The following OAS2 variants were observed in gnomAD, a reference collection of about 807,000 sequenced individuals.
OAS2 encodes 2'-5'-oligoadenylate synthetase 2.
A neutral mutation model predicts 71.3 loss-of-function variants in OAS2; 67 were observed. The observed-to-expected ratio is 0.94, with a 90% CI of 0.77 to 1.15. The LOEUF is 1.15. OAS2 is among the 50% of genes most tolerant of loss of function. The pLI is 0.00. For missense variants in OAS2, 789 were observed against 822.5 expected (o/e 0.96, Z 0.50); for synonymous variants, 327 against 321.8 (o/e 1.02, Z -0.17).
At chr12:112,988,693 AT>A (rs2044163262) in intron 2 of OAS2, 2 of 985,288 alleles carry the variant, frequency 2.0e-6, no homozygotes, top group Non-Finnish European at 2.4e-6. Flanking sequence ...GCTCCTTAGA[AT>A]TTCTTATCAA....
chr12:112,996,644 C>T (rs188096966), intron 3 of OAS2, among the ~76,000 whole-genome samples: 15 of 152,028 alleles, frequency 9.9e-5, no homozygotes, highest in Admixed American at 7.9e-4. Context: ...CCGAACTCCC[C>T]GATGGCTTAC....
Position 112,995,471 on chromosome 12 carries a change from A to G in OAS2, c.624A>G (p.Gln208=). ...TCCTCTTGATAAAGCACTGGCATCA[A>G]CAGGTAATTTTCCAACTGTCTATAT... ...DLILLIKHWH[Q]QCQKKIKDLP... is the part of the protein sequence containing the mutation. The change falls in exon 3 of 10, where the codon CAA becomes CAG. Residue 208 remains glutamine (Q), a synonymous_variant. Transcript: ENST00000392583. 6.2e-7 allele frequency: 1 copy of G among 1,611,714 alleles called. No homozygotes were observed. The highest frequency in any genetic ancestry group is 8.5e-7 in the Non-Finnish European group (1 of 1,179,288).
At chr12:113,001,028 C>T (rs930293512) in intron 5 of OAS2, among the ~76,000 whole-genome samples, 39 of 152,072 alleles carry the variant, frequency 2.6e-4, no homozygotes, top group Non-Finnish European at 7.4e-5. Context: ...TAAAAAAATG[C>T]CCTAAACTTA....
chr12:113,010,628 A>T lies in OAS2; in HGVS notation c.*1373A>T. 1 of 1,297,264 alleles carries T rather than the reference A, an allele frequency of 7.7e-7. No homozygotes were observed. Among genetic ancestry groups the T allele is most frequent in the Middle Eastern group, 2.0e-4 (1 of 5,094 alleles). 80.4% of individuals were successfully genotyped at this position (1,297,264 alleles called of 1,614,324 possible). On this transcript the variant is annotated 3_prime_UTR_variant, in exon 10 of 10. Transcript: ENST00000392583. Reference sequence around the variant, plus strand: ...CAATCAAGACTGCAAACCCTTTCATAAAGTCTTGCCTTGCTGAACTCCCTC... The same window carrying T: ...CAATCAAGACTGCAAACCCTTTCATTAAGTCTTGCCTTGCTGAACTCCCTC...
chr12:113,009,222 A>C lies in OAS2; in HGVS notation c.2031A>C (p.Ile677=). 2 of 1,614,096 alleles carry C rather than the reference A, an allele frequency of 1.2e-6. No homozygotes were observed. Among genetic ancestry groups the C allele is most frequent in the Non-Finnish European group, 1.7e-6 (2 of 1,179,990 alleles). ...TCAAGGATGGGACTGGAAACCCAAT[A>C]CCACCTTGGAAAGTGCCGGTAAAAG... ...PCFKDGTGNP[I]PPWKVPVKVI Residue 677 remains isoleucine, a synonymous_variant, in exon 10 of 10, where the codon ATA becomes ATC. Coordinates refer to ENST00000392583, the MANE Select transcript of OAS2 (RefSeq NM_002535.3).
chr12:112,988,506 C>A, intron 2 of OAS2: 1 of 632,792 alleles, frequency 1.6e-6, no homozygotes, highest in South Asian at 7.0e-5. Flanking sequence ...GTGATTGGCA[C>A]AAGAGTAGGT....
chr12:112,998,495 C>T, intron 5 of OAS2, 85 bp downstream of exon 5: 1 of 1,451,192 alleles, frequency 6.9e-7, no homozygotes, highest in Non-Finnish European at 9.4e-7. Context: ...TGAGAGTACT[C>T]TATATTCGTT....
intron 6 of OAS2, among the ~76,000 whole-genome samples, chr12:113,004,106 T>C (rs941053144): frequency 6.6e-6 from 1 of 152,072 alleles, no homozygotes; most frequent in African/African-American, 2.4e-5. Context: ...CTGAAGTTGG[T>C]TGAAGGTTTC....
In OAS2 at chr12:112,995,314, GC is replaced by G. The variant is rs770257269; in HGVS notation, c.471del (p.Trp158GlyfsTer39). The G allele has an allele frequency of 1.2e-6, 2 of 1,608,684 alleles. No homozygotes were observed. Among genetic ancestry groups the G allele is most frequent in the Admixed American group, 1.7e-5 (1 of 58,596 alleles). On this transcript the variant is annotated frameshift_variant, in exon 3 of 10. Coordinates refer to ENST00000392583, the MANE Select transcript of OAS2 (RefSeq NM_002535.3). LOFTEE classifies it high-confidence loss of function. ...ACATCAGGCTTAAATGATAATCCCA[GC>G]CCCTGGATCTATCGAGAGCTCAAAA... Reference protein sequence around the residue: ...FNALSLNDNPSPWIYRELKRS... With the variant: ...FNALSLNDNPXPWIYRELKRS...
At chr12:112,981,971 A>G (rs567147155) in intron 1 of OAS2, among the ~76,000 whole-genome samples, 11 of 151,968 alleles carry the variant, frequency 7.2e-5, no homozygotes, top group Non-Finnish European at 1.5e-4. Context: ...GTTAAATACT[A>G]TAAGATTGCT....
chr12:112,997,524 A>C lies in OAS2; in HGVS notation c.632A>C (p.Gln211Pro), dbSNP rs2044244509. The change falls in exon 4 of 10, where the codon CAG becomes CCG. Residue 211 changes from glutamine to proline, a missense_variant. Physicochemically the swap from Gln to Pro is moderately conservative, Grantham distance 76. Coordinates refer to ENST00000392583, the MANE Select transcript of OAS2 (RefSeq NM_002535.3). ...TACCCTTTCCTTATCCCACAGTGCCAGAAAAAAATCAAGGATTTACCCTCG... is the reference window on the plus strand; with the variant it reads ...TACCCTTTCCTTATCCCACAGTGCCCGAAAAAAATCAAGGATTTACCCTCG... ...LLIKHWHQQC[Q>P]KKIKDLPSLS... is the part of the protein sequence containing the mutation. 6.2e-7 allele frequency: 1 copy of C among 1,613,382 alleles called. No individual in the cohort carries two copies. The highest frequency in any genetic ancestry group is 1.3e-5 in the African/African-American group (1 of 74,908).
In OAS2 at chr12:112,981,226, T is replaced by C. The variant is rs2044078982; in HGVS notation, c.177+2441T>C. Among the ~76,000 whole-genome samples, 5 of 152,194 alleles carry C rather than the reference T, an allele frequency of 3.3e-5. No individual in the cohort carries two copies. In the South Asian group the frequency reaches 1.0e-3, roughly 32 times the overall value. ...GCAGAAGCTTTTTCATTTAATATAG[T>C]CCCAATTGTCTATTTTTTGTTTTTG... On this transcript the variant is annotated intron_variant, in intron 1 of 9. Coordinates refer to ENST00000392583, the MANE Select transcript of OAS2 (RefSeq NM_002535.3).
intron 5 of OAS2, among the ~76,000 whole-genome samples, chr12:112,998,677 C>T (rs964355786): frequency 2.0e-5 from 3 of 152,294 alleles, no homozygotes; most frequent in Middle Eastern, 3.4e-3. Context: ...CTGGTGGTTG[C>T]CAGCAGTCCT....
Position 113,007,875 on chromosome 12 carries a change from G to C in OAS2, c.1827G>C (p.Trp609Cys). 6.2e-7 allele frequency: 1 copy of C among 1,614,166 alleles called. No individual in the cohort carries two copies. The highest frequency in any genetic ancestry group is 2.2e-5 in the East Asian group (1 of 44,882). ...AATATCAGCAGCTCTGCATCTTCTG[G>C]AAGGTCAATTACAACTTTGAAGATG... ...VTQYQQLCIF[W>C]KVNYNFEDET... The change falls in exon 9 of 10, where the codon TGG (tryptophan) becomes TGC (cysteine). Residue 609 changes from tryptophan to cysteine, a missense_variant. Trp to Cys is a radical substitution (Grantham distance 215). Coordinates refer to ENST00000392583, the MANE Select transcript of OAS2 (RefSeq NM_002535.3).
intron 2 of OAS2, among the ~76,000 whole-genome samples, chr12:112,991,406 G>C (rs2044191520): frequency 6.6e-6 from 1 of 152,260 alleles, no homozygotes; most frequent in African/African-American, 2.4e-5. Context: ...CCGTAACACA[G>C]CCTCAGGAAG....
Position 113,010,664 on chromosome 12 carries a change from G to A in OAS2, c.*1409G>A. ...TTGCTGAACTCCCTCTCTGCAGGCA[G>A]CCTGCCTTTAAAAATAGTTGCTGTC... On this transcript the variant is annotated 3_prime_UTR_variant, in exon 10 of 10. Transcript: ENST00000392583. 1.2e-6 allele frequency: 1 copy of A among 817,940 alleles called. No individual in the cohort carries two copies. Among genetic ancestry groups the A allele is most frequent in the Non-Finnish European group, 1.7e-6 (1 of 590,986 alleles). 50.7% of individuals were successfully genotyped at this position (817,940 alleles called of 1,614,324 possible). A position where few individuals can be genotyped will look rare whatever the true frequency, so the allele number is the denominator to read the frequency against.
intron 2 of OAS2, among the ~76,000 whole-genome samples, chr12:112,990,233 G>A (rs2044179236): frequency 1.3e-5 from 2 of 152,222 alleles, no homozygotes; most frequent in South Asian, 4.1e-4. Flanking sequence ...CTGAGAACGT[G>A]TGCCCCAGGT....
intron 2 of OAS2, among the ~76,000 whole-genome samples, chr12:112,990,789 G>A (rs2044184498): frequency 6.6e-6 from 1 of 152,156 alleles, no homozygotes; most frequent in Non-Finnish European, 1.5e-5. Context: ...TGTCAGTCTT[G>A]GGGTCTCTAT....
chr12:112,999,181 G>C lies in OAS2; in HGVS notation c.1008+771G>C, dbSNP rs531844731. Among the ~76,000 whole-genome samples, 8 of 152,360 alleles carry C rather than the reference G, an allele frequency of 5.3e-5. No individual in the cohort carries two copies. In the East Asian group the frequency reaches 1.5e-3, roughly 29 times the overall value. On this transcript the variant is annotated intron_variant, in intron 5 of 9. Transcript: ENST00000392583. Reference sequence around the variant, plus strand: ...CAGGTGCCGGGGGCAACAGTCAGAAGTGCGGCCGAAACAAGAGAACCAATT... The same window carrying C: ...CAGGTGCCGGGGGCAACAGTCAGAACTGCGGCCGAAACAAGAGAACCAATT...
Sources: gnomAD v4.1 joint callset for allele counts (sites outside exome capture counted in the v4.1 genomes callset) on GRCh38, gnomAD v4.1.1 for gene constraint, MANE v1.5 for transcripts, NCBI Gene and HGNC (gene_info 2026-07-23, HGNC 2026-07-21) for gene names.